Variants in SYNDIG1 observed in about 807,000 individuals in gnomAD.
SYNDIG1 encodes the protein synapse differentiation inducing 1, also known as synapse differentiation-inducing gene protein 1.
SYNDIG1 carries 9 observed loss-of-function variants against 19.4 expected under a neutral mutation model. The ratio of observed to expected loss-of-function variants is 0.46; its 90% CI spans 0.28 to 0.81. SYNDIG1 has a LOEUF of 0.81. Ranked by LOEUF, SYNDIG1 falls within the 30% of genes least tolerant of loss-of-function variation. SYNDIG1 has a pLI of 0.12. For missense variants in SYNDIG1, 311 were observed against 343.3 expected (o/e 0.91, Z 0.74); for synonymous variants, 141 against 145.9 (o/e 0.97, Z 0.24).
chr20:24,536,162 C>T (rs1269591743), intron 1 of SYNDIG1, among the ~76,000 whole-genome samples: 1 of 152,162 alleles, frequency 6.6e-6, no homozygotes, highest in South Asian at 2.1e-4. Flanking sequence ...ACCAGAGGGG[C>T]GTGGCCATGC....
In SYNDIG1 at chr20:24,612,161, C is replaced by A. The variant is rs969033460; in HGVS notation, c.618+27168C>A. ...TGTTCATGAGAAAGGCTGATTCTTT[C>A]TACAAATTCTTCATTAATTCTCATC... On this transcript the variant is annotated intron_variant, in intron 3 of 3. Coordinates refer to ENST00000376862, the MANE Select transcript of SYNDIG1 (RefSeq NM_024893.3). 7.2e-5 allele frequency among the ~76,000 whole-genome samples: 11 copies of A among 152,358 alleles called. No individual in the cohort carries two copies. In the East Asian group the frequency reaches 2.1e-3, roughly 29 times the overall value.
chr20:24,507,242 C>T (rs1419630454), intron 1 of SYNDIG1, among the ~76,000 whole-genome samples: 1 of 152,248 alleles, frequency 6.6e-6, no homozygotes, highest in African/African-American at 2.4e-5. Context: ...GCCTGCCAAG[C>T]CTGTTGCCCA....
At chr20:24,561,378 G>T (rs1465011778) in intron 2 of SYNDIG1, among the ~76,000 whole-genome samples, 4 of 152,214 alleles carry the variant, frequency 2.6e-5, no homozygotes, top group African/African-American at 9.6e-5. Context: ...CCCAACCAGA[G>T]TTATAGCCTT....
chr20:24,632,568 C>T (rs1419382033), intron 3 of SYNDIG1, among the ~76,000 whole-genome samples: 1 of 151,972 alleles, frequency 6.6e-6, no homozygotes, highest in Non-Finnish European at 1.5e-5. Context: ...AATAATAACA[C>T]CAGTGAAAAA....
intron 3 of SYNDIG1, among the ~76,000 whole-genome samples, chr20:24,612,624 T>G (rs768993962): frequency 3.9e-5 from 6 of 152,254 alleles, no homozygotes; most frequent in Non-Finnish European, 8.8e-5. Flanking sequence ...AAGTCAACCT[T>G]AGATATGTTT....
At chr20:24,495,639 A>T (rs1353341594) in intron 1 of SYNDIG1, 2 of 152,118 alleles carry the variant, frequency 1.3e-5, no homozygotes, top group African/African-American at 4.8e-5. Flanking sequence ...TGCCTTGGGG[A>T]TTTATTTGGA....
chr20:24,559,617 T>G (rs2057896530), intron 2 of SYNDIG1, among the ~76,000 whole-genome samples: 1 of 152,246 alleles, frequency 6.6e-6, no homozygotes. Flanking sequence ...CATCATCTAC[T>G]TCCAGCCTGA....
intron 2 of SYNDIG1, among the ~76,000 whole-genome samples, chr20:24,581,388 G>A (rs902264755): frequency 8.5e-5 from 13 of 152,108 alleles, no homozygotes; most frequent in African/African-American, 2.7e-4. Flanking sequence ...AGGATACGTC[G>A]GGATCCATGG....
chr20:24,485,957 G>A (rs1004959652), intron 1 of SYNDIG1, among the ~76,000 whole-genome samples: 4 of 152,190 alleles, frequency 2.6e-5, no homozygotes, highest in African/African-American at 7.2e-5. Flanking sequence ...GCTTTGTCTC[G>A]TGGCCACCCT....
At chr20:24,591,127 C>CTA (rs2058504610) in intron 3 of SYNDIG1, among the ~76,000 whole-genome samples, 1 of 151,474 alleles carries the variant, frequency 6.6e-6, no homozygotes. Context: ...TGTAAGAATA[C>CTA]TATACTTCAA....
chr20:24,522,851 G>A (rs1297203571), intron 1 of SYNDIG1, among the ~76,000 whole-genome samples: 2 of 152,260 alleles, frequency 1.3e-5, no homozygotes, highest in East Asian at 1.9e-4. Flanking sequence ...TGGTGAGAGG[G>A]AGCAAGAGAG....
chr20:24,542,727 T>A (rs1295448180), intron 1 of SYNDIG1, among the ~76,000 whole-genome samples: 2 of 152,254 alleles, frequency 1.3e-5, no homozygotes, highest in African/African-American at 2.4e-5. Flanking sequence ...GGATGTCTGC[T>A]AGCAATCAAA....
chr20:24,549,925 C>G (rs1770535066), intron 2 of SYNDIG1, among the ~76,000 whole-genome samples: 1 of 152,208 alleles, frequency 6.6e-6, no homozygotes, highest in African/African-American at 2.4e-5. Flanking sequence ...TCTCGGCATT[C>G]AGATGTTCCT....
At chr20:24,513,751 T>C (rs746255091) in intron 1 of SYNDIG1, among the ~76,000 whole-genome samples, 4 of 152,134 alleles carry the variant, frequency 2.6e-5, no homozygotes, top group East Asian at 1.9e-4. Context: ...CAGGCCAACA[T>C]TGAAATTCAG....
intron 1 of SYNDIG1, among the ~76,000 whole-genome samples, chr20:24,533,099 A>T (rs2057294954): frequency 6.6e-6 from 1 of 151,972 alleles, no homozygotes. Context: ...GCTCTGGAGG[A>T]CCAGAATGCC....
At position 24,499,714 on chromosome 20, in the gene SYNDIG1, G is replaced by A. The variant is rs552104167; in HGVS notation, c.-79+29961G>A. On this transcript the variant is annotated intron_variant, in intron 1 of 3. Coordinates refer to ENST00000376862, the MANE Select transcript of SYNDIG1 (RefSeq NM_024893.3). The stretch of plus-strand genomic sequence containing the variant: ...AACAGCCATTCTCCATGCCCTGCCC[G>A]GGTAGAGGCTGCTCACTGGTGGGAG... Among the ~76,000 whole-genome samples the A allele has an allele frequency of 5.9e-5, 9 of 152,300 alleles. No homozygotes were observed. In the East Asian group the frequency reaches 1.2e-3, roughly 20 times the overall value.
At chr20:24,569,022 T>C (rs1472600018) in intron 2 of SYNDIG1, among the ~76,000 whole-genome samples, 1 of 152,172 alleles carries the variant, frequency 6.6e-6, no homozygotes, top group East Asian at 1.9e-4. Context: ...GGGGAAATTG[T>C]CCCACCCTCT....
intron 3 of SYNDIG1, among the ~76,000 whole-genome samples, chr20:24,661,489 AAGGGAGGGAGGGAAG>A (rs2059594536): frequency 9.6e-5 from 1 of 10,404 alleles, no homozygotes; most frequent in Non-Finnish European, 1.7e-4. Context: ...AGGGAGGAAG[AAGGGAGGGAGGGAAG>A]AGGGAGGAAG....
At chr20:24,632,369 A>G (rs2059257188) in intron 3 of SYNDIG1, among the ~76,000 whole-genome samples, 1 of 152,072 alleles carries the variant, frequency 6.6e-6, no homozygotes, top group Non-Finnish European at 1.5e-5. Context: ...CCTCCTGAGT[A>G]GCTGGGATTA....
Sources: gnomAD v4.1 joint callset for allele counts (sites outside exome capture counted in the v4.1 genomes callset) on GRCh38, gnomAD v4.1.1 for gene constraint, MANE v1.5 for transcripts, NCBI Gene and HGNC (gene_info 2026-07-23, HGNC 2026-07-21) for gene names.